Variants in POU2F1 observed in about 807,000 individuals in gnomAD.
POU2F1 encodes the protein POU domain, class 2, transcription factor 1.
A neutral mutation model predicts 84.9 loss-of-function variants in POU2F1; 16 were observed. That is an observed-to-expected ratio of 0.19 (90% CI 0.13 to 0.29). The LOEUF (loss-of-function observed/expected upper bound fraction) is 0.29, where lower values mean the gene tolerates loss of function less well. POU2F1 is among the 10% of genes least tolerant of loss of function. POU2F1 has a pLI of 1.00. For missense variants in POU2F1, 738 were observed against 942.6 expected (o/e 0.78, Z 2.84); for synonymous variants, 368 against 368.3 (o/e 1.00, Z 0.01).
chr1:167,320,751 C>T (rs575572020), intron 1 of POU2F1, among the ~76,000 whole-genome samples: 1 of 152,298 alleles, frequency 6.6e-6, no homozygotes, highest in Admixed American at 6.5e-5. Flanking sequence ...AATCTAGAGT[C>T]TTCTCTGGAT....
chr1:167,299,111 C>T (rs902898098), intron 1 of POU2F1, among the ~76,000 whole-genome samples: 2 of 141,118 alleles, frequency 1.4e-5, no homozygotes, highest in African/African-American at 2.6e-5. Context: ...TATGGTGAGC[C>T]GATATCGCAC....
At chr1:167,288,211 C>T (rs141150410) in intron 1 of POU2F1, among the ~76,000 whole-genome samples, 240 of 152,272 alleles carry the variant, frequency 1.6e-3, no homozygotes, top group Middle Eastern at 3.4e-3. Context: ...AAGTAAACTA[C>T]GCTTATTTTA....
chr1:167,348,622 A>G (rs1420021824), intron 2 of POU2F1, among the ~76,000 whole-genome samples: 5 of 151,986 alleles, frequency 3.3e-5, no homozygotes, highest in Admixed American at 3.3e-4. Flanking sequence ...CCTTTTTTCC[A>G]ATGTTTTTGT....
chr1:167,267,403 A>AAT (rs1321227547), intron 1 of POU2F1, among the ~76,000 whole-genome samples: 1 of 151,254 alleles, frequency 6.6e-6, no homozygotes, highest in Non-Finnish European at 1.5e-5. Context: ...GGAAAAAAAA[A>AAT]CTAAAACCGT....
At chr1:167,223,460 A>C (rs1054586754) in intron 1 of POU2F1, among the ~76,000 whole-genome samples, 7 of 151,468 alleles carry the variant, frequency 4.6e-5, no homozygotes, top group Non-Finnish European at 7.4e-5. Context: ...GAGTGTGACT[A>C]GTGTTGCCTG....
intron 1 of POU2F1, among the ~76,000 whole-genome samples, chr1:167,313,284 T>G (rs1655628565): frequency 6.6e-6 from 1 of 152,238 alleles, no homozygotes; most frequent in South Asian, 2.1e-4. Flanking sequence ...ATGCAATTTC[T>G]ATCAAAATTC....
At chr1:167,246,402 A>G (rs985943558) in intron 1 of POU2F1, among the ~76,000 whole-genome samples, 1 of 152,252 alleles carries the variant, frequency 6.6e-6, no homozygotes, top group Non-Finnish European at 1.5e-5. Flanking sequence ...TTCGAAATAT[A>G]TGCTCATTTA....
chr1:167,301,362 A>T (rs1005383027), intron 1 of POU2F1, among the ~76,000 whole-genome samples: 3 of 152,246 alleles, frequency 2.0e-5, no homozygotes, highest in Non-Finnish European at 4.4e-5. Context: ...CTAGCAGAAA[A>T]TACCTTGCGT....
intron 2 of POU2F1, among the ~76,000 whole-genome samples, chr1:167,360,351 A>G (rs1269813745): frequency 6.6e-6 from 1 of 152,202 alleles, no homozygotes; most frequent in Non-Finnish European, 1.5e-5. Flanking sequence ...GGAAGTATTT[A>G]ATCCATCTTG....
At chr1:167,227,630 T>C (rs1222686352) in intron 1 of POU2F1, among the ~76,000 whole-genome samples, 3 of 152,186 alleles carry the variant, frequency 2.0e-5, no homozygotes, top group Non-Finnish European at 2.9e-5. Flanking sequence ...AATTAATGTT[T>C]TAAAGTAGTT....
At chr1:167,329,353 AG>A (rs1173085138) in intron 1 of POU2F1, 6 of 1,535,796 alleles carry the variant, frequency 3.9e-6, no homozygotes, top group Non-Finnish European at 5.3e-6. Context: ...ATATGGAAAT[AG>A]AGTGTGTCGG....
intron 1 of POU2F1, among the ~76,000 whole-genome samples, chr1:167,240,434 GGA>G (rs1349055092): frequency 2.6e-5 from 4 of 152,120 alleles, no homozygotes; most frequent in Admixed American, 6.5e-5. Context: ...AGGTAATTGA[GGA>G]AGCGTATTTT....
At chr1:167,234,262 T>C (rs1297973663) in intron 1 of POU2F1, among the ~76,000 whole-genome samples, 1 of 152,256 alleles carries the variant, frequency 6.6e-6, no homozygotes, top group African/African-American at 2.4e-5. Flanking sequence ...GAATCAATTG[T>C]GCATTCTTAT....
At chr1:167,316,489 C>A (rs1376144872) in intron 1 of POU2F1, among the ~76,000 whole-genome samples, 1 of 152,068 alleles carries the variant, frequency 6.6e-6, no homozygotes, top group Non-Finnish European at 1.5e-5. Context: ...TTTCACGAAA[C>A]AATACAGGGA....
intron 1 of POU2F1, among the ~76,000 whole-genome samples, chr1:167,312,444 G>T (rs1163529779): frequency 6.6e-6 from 1 of 151,570 alleles, no homozygotes; most frequent in Non-Finnish European, 1.5e-5. Context: ...TGGCCAGGCG[G>T]GTCTCGAACT....
intron 2 of POU2F1, among the ~76,000 whole-genome samples, chr1:167,361,087 G>A (rs1229057038): frequency 1.3e-5 from 2 of 152,132 alleles, no homozygotes; most frequent in East Asian, 1.9e-4. Flanking sequence ...TGAGTCTGCT[G>A]AAGTGGTTTA....
chr1:167,401,522 G>T lies in POU2F1; in HGVS notation c.1521G>T (p.Leu507=). The T allele has an allele frequency of 1.2e-6, 2 of 1,612,556 alleles. No homozygotes were observed. The highest frequency in any genetic ancestry group is 2.2e-5 in the South Asian group (2 of 90,608). ...TTLTVSPVLP[L]TSAAVTNLSV... is the part of the protein sequence containing the mutation. Reference sequence around the variant, plus strand: ...TCACAGTCAGCCCTGTCCTCCCTCTGACCAGTGCTGCTGTGACGAATCTTT... The same window carrying T: ...TCACAGTCAGCCCTGTCCTCCCTCTTACCAGTGCTGCTGTGACGAATCTTT... Residue 507 remains leucine, a synonymous_variant, in exon 13 of 16, where the codon CTG becomes CTT. Coordinates refer to ENST00000367866, the MANE Select transcript of POU2F1 (RefSeq NM_002697.4).
At chr1:167,229,110 G>A (rs1648863142) in intron 1 of POU2F1, among the ~76,000 whole-genome samples, 1 of 151,952 alleles carries the variant, frequency 6.6e-6, no homozygotes, top group Admixed American at 6.6e-5. Flanking sequence ...TGAATCCTTT[G>A]TGTTGGTGTA....
At chr1:167,257,339 T>G (rs138567354) in intron 1 of POU2F1, among the ~76,000 whole-genome samples, 20 of 152,270 alleles carry the variant, frequency 1.3e-4, no homozygotes, top group African/African-American at 4.3e-4. Context: ...CTATGAAAAG[T>G]AAAAACAAGG....
Sources: gnomAD v4.1 joint callset for allele counts (sites outside exome capture counted in the v4.1 genomes callset) on GRCh38, gnomAD v4.1.1 for gene constraint, MANE v1.5 for transcripts, NCBI Gene and HGNC (gene_info 2026-07-23, HGNC 2026-07-21) for gene names.